The following ARHGEF33 variants were observed in gnomAD, a reference collection of about 807,000 sequenced individuals.
ARHGEF33 encodes the protein Rho guanine nucleotide exchange factor 33, also known as DH and coiled-coil domain-containing protein ENSP00000381780.
ARHGEF33 carries 72 observed loss-of-function variants against 101.9 expected under a neutral mutation model. The ratio of observed to expected loss-of-function variants is 0.71; its 90% CI spans 0.58 to 0.86. ARHGEF33 has a LOEUF of 0.86. ARHGEF33 is among the 40% of genes least tolerant of loss of function. ARHGEF33 has a pLI of 0.00. For synonymous variants in ARHGEF33, 499 were observed against 442.5 expected, an observed-to-expected ratio of 1.13 and a Z score of -1.60; for missense variants, 1,169 against 1,111.3, an observed-to-expected ratio of 1.05 and a Z score of -0.74.
intron 17 of ARHGEF33, among the ~76,000 whole-genome samples, chr2:38,967,682 TCTC>T (rs1317243504): frequency 6.6e-6 from 1 of 151,756 alleles, no homozygotes; most frequent in Non-Finnish European, 1.5e-5. Context: ...TTCAGGCTAT[TCTC>T]CTGCCCCTGC....
chr2:38,909,333 T>A (rs908951920), intron 2 of ARHGEF33, among the ~76,000 whole-genome samples: 1 of 152,052 alleles, frequency 6.6e-6, no homozygotes, highest in African/African-American at 2.4e-5. Flanking sequence ...AAAAAAAATT[T>A]TTTTTTTAGA....
At chr2:38,948,452 T>C (rs990877750) in intron 10 of ARHGEF33, among the ~76,000 whole-genome samples, 6 of 151,520 alleles carry the variant, frequency 4.0e-5, no homozygotes, top group African/African-American at 7.3e-5. Flanking sequence ...CAGGAGGAGA[T>C]TGGTACCAGC....
Position 38,906,420 on chromosome 2 carries a change from T to C in ARHGEF33, c.-86+10571T>C, listed in dbSNP as rs1666392479. ...TCTTAGCAAAACCAGCCCCAGCATG[T>C]TCTGGTCTCCTTATGGAATGTCTCT... On this transcript the variant is annotated intron_variant, in intron 2 of 17. Coordinates refer to ENST00000409978, the MANE Select transcript of ARHGEF33 (RefSeq NM_001145451.5). Among the ~76,000 whole-genome samples the C allele has an allele frequency of 2.0e-5, 3 of 152,248 alleles. No individual in the cohort carries two copies. The South Asian group carries it at 6.2e-4, about 32-fold the overall frequency.
At chr2:38,949,248 C>T (rs1373568856) in intron 10 of ARHGEF33, among the ~76,000 whole-genome samples, 1 of 152,100 alleles carries the variant, frequency 6.6e-6, no homozygotes, top group Non-Finnish European at 1.5e-5. Context: ...CTCATTTGAC[C>T]CTGGGGAAAT....
Position 38,960,208 on chromosome 2 carries a change from C to T in ARHGEF33, c.1903C>T (p.Gln635Ter). The change falls in exon 16 of 18, where the codon CAG becomes TAG. Residue 635 changes from glutamine to a stop codon, truncating the protein, a stop_gained. Coordinates refer to ENST00000409978, the MANE Select transcript of ARHGEF33 (RefSeq NM_001145451.5). LOFTEE classifies it high-confidence loss of function. ...CGCGCCCTACGACGAGGAGCCGTTC[C>T]AGGCTCCGGCCCTCTTCGAGAACTG... The part of the protein sequence containing the change: ...LPAPYDEEPF[Q>*]APALFENCSP... 1 of 1,545,958 alleles carries T rather than the reference C, an allele frequency of 6.5e-7. No homozygotes were observed. Among genetic ancestry groups the T allele is most frequent in the Non-Finnish European group, 8.7e-7 (1 of 1,144,690 alleles).
intron 12 of ARHGEF33, 72 bp from the exon 13 acceptor site, chr2:38,954,300 TG>T: frequency 1.2e-6 from 1 of 857,078 alleles, no homozygotes; most frequent in Non-Finnish European, 1.9e-6. Context: ...CCTACCCTGG[TG>T]GGACTGATTC....
chr2:38,968,934 C>T (rs1668111114), intron 17 of ARHGEF33, among the ~76,000 whole-genome samples: 1 of 152,086 alleles, frequency 6.6e-6, no homozygotes, highest in South Asian at 2.1e-4. Context: ...AAATTTGCTC[C>T]ATTATAAGGT....
At chr2:38,921,143 G>A (rs72916823) in intron 3 of ARHGEF33, among the ~76,000 whole-genome samples, 1,987 of 152,278 alleles carry the variant, frequency 0.013, 46 homozygotes, top group African/African-American at 0.046. Context: ...GTAGTAGAAC[G>A]TGGTTTTCTA....
intron 2 of ARHGEF33, among the ~76,000 whole-genome samples, chr2:38,911,999 C>A (rs1666518859): frequency 6.6e-6 from 1 of 152,256 alleles, no homozygotes; most frequent in Non-Finnish European, 1.5e-5. Flanking sequence ...AGCTTGGTGG[C>A]TTCCTCTCTC....
At chr2:38,907,148 T>A (rs1187780380) in intron 2 of ARHGEF33, among the ~76,000 whole-genome samples, 1 of 152,058 alleles carries the variant, frequency 6.6e-6, no homozygotes, top group Admixed American at 6.6e-5. Context: ...AGTGGACTAG[T>A]TCTGTAGGGG....
intron 2 of ARHGEF33, among the ~76,000 whole-genome samples, chr2:38,906,042 G>A (rs990328140): frequency 1.3e-5 from 2 of 151,958 alleles, no homozygotes; most frequent in African/African-American, 4.8e-5. Flanking sequence ...CCAGGAGTTC[G>A]AGATCAGGGC....
chr2:38,960,768 T>A, intron 16 of ARHGEF33, 120 bp downstream of exon 16: 1 of 848,366 alleles, frequency 1.2e-6, no homozygotes, highest in Non-Finnish European at 1.5e-6. Flanking sequence ...AGGGGGCGGC[T>A]GCGCGAGCCG....
At chr2:38,929,436 A>G (rs972127007) in intron 5 of ARHGEF33, among the ~76,000 whole-genome samples, 22 of 152,124 alleles carry the variant, frequency 1.4e-4, no homozygotes, top group African/African-American at 4.8e-4. Context: ...TTAAAAAAAA[A>G]AAAGAAAGAA....
intron 16 of ARHGEF33, among the ~76,000 whole-genome samples, chr2:38,965,262 C>T (rs1311822046): frequency 6.6e-6 from 1 of 152,102 alleles, no homozygotes; most frequent in Non-Finnish European, 1.5e-5. Flanking sequence ...GGAATATAAA[C>T]ATGTATATAA....
At chr2:38,905,766 G>A (rs1572741051) in intron 2 of ARHGEF33, among the ~76,000 whole-genome samples, 1 of 152,160 alleles carries the variant, frequency 6.6e-6, no homozygotes, top group African/African-American at 2.4e-5. Context: ...AAATGGTGTG[G>A]GGCAGCGTGT....
intron 1 of ARHGEF33, among the ~76,000 whole-genome samples, chr2:38,895,412 A>G (rs976321006): frequency 3.9e-5 from 6 of 152,202 alleles, no homozygotes; most frequent in African/African-American, 1.2e-4. Context: ...GTGGCTTTCA[A>G]TATTTTACGG....
intron 12 of ARHGEF33, 41 bp from the exon 13 acceptor site, chr2:38,954,332 G>A (rs1000983803): frequency 1.6e-6 from 2 of 1,238,650 alleles, no homozygotes; most frequent in African/African-American, 1.5e-5. Flanking sequence ...TGCCACAGCT[G>A]GAGGAACACT....
chr2:38,968,928 T>G (rs966573440), intron 17 of ARHGEF33, among the ~76,000 whole-genome samples: 2 of 152,104 alleles, frequency 1.3e-5, no homozygotes, highest in African/African-American at 4.8e-5. Flanking sequence ...CATGGAAAAT[T>G]TGCTCCATTA....
intron 4 of ARHGEF33, among the ~76,000 whole-genome samples, chr2:38,921,952 T>C (rs1267277608): frequency 6.6e-6 from 1 of 152,134 alleles, no homozygotes; most frequent in Admixed American, 6.5e-5. Flanking sequence ...TGTTCAAATA[T>C]CTGTACAGGA....
Sources: allele counts gnomAD v4.1 joint callset (sites outside exome capture counted in the v4.1 genomes callset), GRCh38; gene constraint gnomAD v4.1.1; transcripts MANE v1.5; gene names NCBI Gene and HGNC (gene_info 2026-07-23, HGNC 2026-07-21).